ATRNL1: variants seen among roughly 807,000 people sequenced by gnomAD.
The protein encoded by ATRNL1 is attractin like 1, also known as attractin-like protein 1.
Under a neutral mutation model 182.7 loss-of-function variants are expected in ATRNL1, and 95 were observed. The ratio of observed to expected loss-of-function variants is 0.52; its 90% CI spans 0.44 to 0.62. ATRNL1 has a LOEUF of 0.62. Among genes scored for constraint, ATRNL1 ranks in the 20% least tolerant of loss-of-function variants. ATRNL1 has a pLI of 0.00. For missense variants in ATRNL1, 1,471 were observed against 1,679.5 expected, an observed-to-expected ratio of 0.88 and a Z score of 2.17; for synonymous variants, 576 against 568.3, an observed-to-expected ratio of 1.01 and a Z score of -0.19.
chr10:115,132,259 C>G (rs1263779382), intron 5 of ATRNL1, among the ~76,000 whole-genome samples: 1 of 152,176 alleles, frequency 6.6e-6, no homozygotes, highest in Non-Finnish European at 1.5e-5. Context: ...AGGACATGAA[C>G]TCATCATTTT....
chr10:115,373,284 C>T (rs1857491259), intron 19 of ATRNL1, among the ~76,000 whole-genome samples: 1 of 151,984 alleles, frequency 6.6e-6, no homozygotes, highest in African/African-American at 2.4e-5. Flanking sequence ...TTGCAGTTTT[C>T]TGTAAGAACT....
At chr10:115,135,015 C>T (rs1316677177) in intron 5 of ATRNL1, among the ~76,000 whole-genome samples, 12 of 152,024 alleles carry the variant, frequency 7.9e-5, no homozygotes, top group African/African-American at 2.9e-4. Flanking sequence ...TCAATAAATT[C>T]GGTATTGATG....
intron 26 of ATRNL1, among the ~76,000 whole-genome samples, chr10:115,589,574 G>C (rs1281225841): frequency 6.6e-6 from 1 of 151,976 alleles, no homozygotes; most frequent in African/African-American, 2.4e-5. Context: ...CTTTCAAAAA[G>C]ACAAAATTTC....
chr10:115,096,134 T>G (rs1462375829), intron 1 of ATRNL1, among the ~76,000 whole-genome samples: 1 of 152,202 alleles, frequency 6.6e-6, no homozygotes, highest in Non-Finnish European at 1.5e-5. Flanking sequence ...TAGATATTGT[T>G]AAATAACAAT....
At chr10:115,583,750 C>T (rs1194777490) in intron 26 of ATRNL1, among the ~76,000 whole-genome samples, 3 of 150,616 alleles carry the variant, frequency 2.0e-5, no homozygotes, top group Non-Finnish European at 3.0e-5. Context: ...ATTTCCTTCT[C>T]CTGTCTAATT....
chr10:115,847,137 C>T (rs1555099004), intron 27 of ATRNL1, among the ~76,000 whole-genome samples: 1 of 151,908 alleles, frequency 6.6e-6, no homozygotes, highest in Admixed American at 6.6e-5. Context: ...AACCTGATCT[C>T]ACATTTACAT....
intron 28 of ATRNL1, among the ~76,000 whole-genome samples, chr10:115,858,420 T>C (rs1951235642): frequency 6.6e-6 from 1 of 152,172 alleles, no homozygotes; most frequent in Admixed American, 6.5e-5. Flanking sequence ...GCCATTATCC[T>C]GAGCAAACTA....
chr10:115,116,916 G>C (rs1844512135), intron 1 of ATRNL1, among the ~76,000 whole-genome samples: 1 of 151,990 alleles, frequency 6.6e-6, no homozygotes, highest in Non-Finnish European at 1.5e-5. Flanking sequence ...TGAATAGGAC[G>C]GGACAGGGTG....
chr10:115,316,892 T>G (rs1280946643), intron 18 of ATRNL1, among the ~76,000 whole-genome samples: 3 of 152,260 alleles, frequency 2.0e-5, no homozygotes, highest in Non-Finnish European at 2.9e-5. Flanking sequence ...TAAGTTTCTT[T>G]TGCTGTGCAG....
At chr10:115,321,216 C>T (rs1268977649) in intron 18 of ATRNL1, among the ~76,000 whole-genome samples, 1 of 152,030 alleles carries the variant, frequency 6.6e-6, no homozygotes, top group Non-Finnish European at 1.5e-5. Flanking sequence ...CGCTCCTGCC[C>T]CTGGAGATAT....
At chr10:115,703,656 C>T (rs544335477) in intron 26 of ATRNL1, among the ~76,000 whole-genome samples, 3 of 151,362 alleles carry the variant, frequency 2.0e-5, no homozygotes, top group South Asian at 4.2e-4. Flanking sequence ...CATGCATTAA[C>T]TTAATATACA....
chr10:115,413,418 G>A (rs915460212), intron 20 of ATRNL1, among the ~76,000 whole-genome samples: 2 of 152,042 alleles, frequency 1.3e-5, no homozygotes, highest in African/African-American at 4.8e-5. Flanking sequence ...TAATTTTTAT[G>A]ATGATGTTTA....
chr10:115,493,559 A>G (rs1849411350), intron 24 of ATRNL1, among the ~76,000 whole-genome samples: 1 of 152,186 alleles, frequency 6.6e-6, no homozygotes, highest in African/African-American at 2.4e-5. Context: ...TATTGTGAAT[A>G]CTGCTGTGAT....
At chr10:115,129,015 C>G (rs1592138999) in intron 4 of ATRNL1, among the ~76,000 whole-genome samples, 1 of 152,118 alleles carries the variant, frequency 6.6e-6, no homozygotes, top group South Asian at 2.1e-4. Flanking sequence ...ACATTGAGTA[C>G]TTAAGTCTTT....
intron 26 of ATRNL1, among the ~76,000 whole-genome samples, chr10:115,577,664 G>A: frequency 7.8e-6 from 1 of 128,884 alleles, no homozygotes; most frequent in African/African-American, 2.7e-5. Context: ...AGCCTTATAG[G>A]GTATTTTACA....
intron 21 of ATRNL1, among the ~76,000 whole-genome samples, chr10:115,432,898 A>G (rs1174934238): frequency 6.6e-6 from 1 of 152,094 alleles, no homozygotes; most frequent in African/African-American, 2.4e-5. Flanking sequence ...ACTAGGCTGT[A>G]GAAATGCTAT....
chr10:115,294,933 C>A (rs1372363698), intron 15 of ATRNL1, among the ~76,000 whole-genome samples: 1 of 152,108 alleles, frequency 6.6e-6, no homozygotes, highest in Non-Finnish European at 1.5e-5. Flanking sequence ...GTGTGCTCAC[C>A]TTGCTGTTTC....
chr10:115,886,686 A>G (rs1488061790), intron 28 of ATRNL1, among the ~76,000 whole-genome samples: 3 of 152,242 alleles, frequency 2.0e-5, no homozygotes, highest in Non-Finnish European at 4.4e-5. Context: ...ATGTAATTTC[A>G]TATTTTCATA....
At chr10:115,502,896 A>T (rs990010668) in intron 24 of ATRNL1, among the ~76,000 whole-genome samples, 2 of 152,106 alleles carry the variant, frequency 1.3e-5, no homozygotes, top group Middle Eastern at 3.4e-3. Flanking sequence ...GTATAATTTT[A>T]AAAAAAGGCC....
Sources: gnomAD v4.1 joint callset for allele counts (sites outside exome capture counted in the v4.1 genomes callset) on GRCh38, gnomAD v4.1.1 for gene constraint, MANE v1.5 for transcripts, NCBI Gene and HGNC (gene_info 2026-07-23, HGNC 2026-07-21) for gene names.